The following PKHD1L1 variants were observed in gnomAD, a reference collection of about 807,000 sequenced individuals.
The protein encoded by PKHD1L1 is PKHD1 like 1.
Under a neutral mutation model 462.9 loss-of-function variants are expected in PKHD1L1, and 434 were observed. That is an observed-to-expected ratio of 0.94 (90% CI 0.87 to 1.02). The LOEUF (loss-of-function observed/expected upper bound fraction) is 1.02, where lower values mean the gene tolerates loss of function less well. Among genes scored for constraint, PKHD1L1 ranks in the 50% least tolerant of loss-of-function variants. The pLI is 0.00. For missense variants in PKHD1L1, 5,202 were observed against 5,096.1 expected, an observed-to-expected ratio of 1.02 and a Z score of -0.63; for synonymous variants, 1,781 against 1,750.0, an observed-to-expected ratio of 1.02 and a Z score of -0.44.
At chr8:109,432,859 T>A (rs1283970695) in intron 27 of PKHD1L1, among the ~76,000 whole-genome samples, 1 of 152,208 alleles carries the variant, frequency 6.6e-6, no homozygotes, top group African/African-American at 2.4e-5. Flanking sequence ...ATCAGATAGT[T>A]CTTTCCACTA....
chr8:109,415,907 A>G (rs112210180), intron 21 of PKHD1L1, among the ~76,000 whole-genome samples: 2,271 of 121,782 alleles, frequency 0.019, 31 homozygotes, highest in Middle Eastern at 0.048. Context: ...GTGTGTGTGT[A>G]GGAAATCATA....
intron 21 of PKHD1L1, 87 bp from the exon 22 acceptor site, chr8:109,419,010 A>G: frequency 2.5e-6 from 3 of 1,179,202 alleles, no homozygotes; most frequent in Middle Eastern, 2.2e-4. Context: ...AAAATATTTT[A>G]CTCTATAAAA....
chr8:109,482,787 G>A (rs1377435359), intron 56 of PKHD1L1, among the ~76,000 whole-genome samples, 200 bp from the exon 57 acceptor site: 1 of 151,550 alleles, frequency 6.6e-6, no homozygotes, highest in African/African-American at 2.4e-5. Context: ...TGGCTTTAAT[G>A]TCTATGAGCC....
intron 2 of PKHD1L1, among the ~76,000 whole-genome samples, chr8:109,379,134 G>C (rs1404090403): frequency 6.6e-6 from 1 of 152,142 alleles, no homozygotes; most frequent in Admixed American, 6.5e-5. Flanking sequence ...ACTGCCAAGA[G>C]CAGAGACCAA....
In PKHD1L1 at chr8:109,459,664, A is replaced by G. The variant is rs1303312176; in HGVS notation, c.7074A>G (p.Leu2358=). 11 of 1,608,316 alleles carry G rather than the reference A, an allele frequency of 6.8e-6. No homozygotes were observed. Among genetic ancestry groups the G allele is most frequent in the Non-Finnish European group, 9.3e-6 (11 of 1,176,920 alleles). Residue 2358 remains leucine, a synonymous_variant, in exon 47 of 78, where the codon CTA becomes CTG. Transcript: ENST00000378402. ...SVSADGINIT[L]SNPLNYTHLG... ...CTGCTGATGGCATAAACATAACACTAAGTAACCCACTAAATTACACACACT... is the reference window on the plus strand; with the variant it reads ...CTGCTGATGGCATAAACATAACACTGAGTAACCCACTAAATTACACACACT...
At chr8:109,493,245 T>C (rs573559810) in intron 62 of PKHD1L1, among the ~76,000 whole-genome samples, 1 of 148,716 alleles carries the variant, frequency 6.7e-6, no homozygotes, top group East Asian at 1.9e-4. Context: ...ATATTAAACA[T>C]ATATAAATAT....
At chr8:109,475,337 TACTC>T (rs1817925426) in intron 51 of PKHD1L1, 68 bp downstream of exon 51, 3 of 1,233,440 alleles carry the variant, frequency 2.4e-6, no homozygotes, top group East Asian at 5.6e-5. Context: ...TCCTCATACT[TACTC>T]ACAGACATTG....
chr8:109,442,122 TTC>T lies in PKHD1L1; in HGVS notation c.4322_4323del (p.Ser1441CysfsTer10). The T allele has an allele frequency of 6.2e-7, 1 of 1,613,496 alleles. No individual in the cohort carries two copies. Among genetic ancestry groups the T allele is most frequent in the Non-Finnish European group, 8.5e-7 (1 of 1,179,576 alleles). On this transcript the variant is annotated frameshift_variant, in exon 35 of 78. Coordinates refer to ENST00000378402, the MANE Select transcript of PKHD1L1 (RefSeq NM_177531.6). LOFTEE classifies it high-confidence loss of function. ...FLRGIGYRIF[S>X]VSSPGSVIYD... ...TTAGAGGGATAGGATATAGGATTTT[TTC>T]TGTCTCCAGTCCTGGAAGTGTAATT...
chr8:109,450,767 C>T (rs1816442137), intron 40 of PKHD1L1, among the ~76,000 whole-genome samples: 1 of 152,130 alleles, frequency 6.6e-6, no homozygotes, highest in African/African-American at 2.4e-5. Context: ...GGTCGAAGGG[C>T]TTTTTCTTCT....
rs1174174044 is a variant in PKHD1L1, at chr8:109,454,799, C to G, written c.6821C>G (p.Pro2274Arg). Residue 2274 changes from proline to arginine, a missense_variant, in exon 45 of 78, where the codon CCT (proline) becomes CGT (arginine). Transcript: ENST00000378402. ...GGTCACCTGCGATCTCCTGAGCTCC[C>G]TGTCTATGGTGCCAAAACACTGGCT... ...LHGHLRSPEL[P>R]VYGAKTLAVR... 1 of 1,613,712 alleles carries G rather than the reference C, an allele frequency of 6.2e-7. No individual in the cohort carries two copies. The highest frequency in any genetic ancestry group is 8.5e-7 in the Non-Finnish European group (1 of 1,179,808).
At position 109,536,373 on chromosome 8, in the gene PKHD1L1, A is replaced by AT. The variant is rs796455290; in HGVS notation, c.*6284dup. ...TGTCCATCATGCTGTAGCTCAATGA[A>AT]TGAGTCTCACATTGTTTCATGTTGT... On this transcript the variant is annotated 3_prime_UTR_variant, in exon 78 of 78. Coordinates refer to ENST00000378402, the MANE Select transcript of PKHD1L1 (RefSeq NM_177531.6). Among the ~76,000 whole-genome samples the AT allele has an allele frequency of 2.6e-5, 4 of 152,350 alleles. No homozygotes were observed. Among genetic ancestry groups the AT allele is most frequent in the African/African-American group, 9.6e-5 (4 of 41,576 alleles).
At chr8:109,510,753 C>A (rs368753619) in intron 70 of PKHD1L1, 24 bp from the exon 71 acceptor site, 2 of 1,604,054 alleles carry the variant, frequency 1.2e-6, no homozygotes, top group Non-Finnish European at 1.7e-6. Context: ...TAGGAGTATG[C>A]ACTTTCATTT....
At chr8:109,423,662 C>A (rs2130658241) in intron 23 of PKHD1L1, among the ~76,000 whole-genome samples, 1 of 152,272 alleles carries the variant, frequency 6.6e-6, no homozygotes, top group African/African-American at 2.4e-5. Flanking sequence ...TACAAAAAAA[C>A]CTTGCTGGTA....
intron 2 of PKHD1L1, among the ~76,000 whole-genome samples, chr8:109,369,591 C>T (rs1206660710): frequency 2.6e-5 from 4 of 151,628 alleles, no homozygotes; most frequent in Non-Finnish European, 4.4e-5. Context: ...ATCCATGTTA[C>T]GTATCATTGA....
intron 50 of PKHD1L1, among the ~76,000 whole-genome samples, chr8:109,473,908 T>C (rs1391060322): frequency 6.6e-6 from 1 of 152,136 alleles, no homozygotes; most frequent in East Asian, 1.9e-4. Context: ...AAGTCAAACC[T>C]CACTGAGCAA....
intron 77 of PKHD1L1, among the ~76,000 whole-genome samples, chr8:109,529,810 C>A (rs1754568551): frequency 6.6e-6 from 1 of 151,914 alleles, no homozygotes; most frequent in African/African-American, 2.4e-5. Context: ...TTAAGAGGAT[C>A]ATGAAGTTTC....
chr8:109,522,762 G>T lies in PKHD1L1; in HGVS notation c.12202G>T (p.Glu4068Ter), dbSNP rs1448146417. 3.1e-6 allele frequency: 5 copies of T among 1,610,580 alleles called. No homozygotes were observed. The South Asian group carries it at 5.5e-5, about 18-fold the overall frequency. The part of the protein sequence containing the change: ...GWIKVTAQPV[E>*]RSAFPVHHVA... ...TTCACAGGTGACTGCCCAGCCAGTT[G>T]AAAGGTCTGCATTTCCTGTTCATCA... Residue 4068 changes from glutamate (E) to a stop codon, truncating the protein, a stop_gained, in exon 75 of 78, where the codon GAA (glutamate) becomes TAA (stop). Coordinates refer to ENST00000378402, the MANE Select transcript of PKHD1L1 (RefSeq NM_177531.6). LOFTEE classifies it high-confidence loss of function.
rs147731862 is a variant in PKHD1L1, at chr8:109,454,231, T to G, written c.6729T>G (p.Asp2243Glu). 19 of 1,605,720 alleles carry G rather than the reference T, an allele frequency of 1.2e-5. No individual in the cohort carries two copies. The African/African-American group carries it at 2.3e-4, about 19-fold the overall frequency. Residue 2243 changes from aspartate to glutamate, a missense_variant, in exon 44 of 78, where the codon GAT (aspartate) becomes GAG (glutamate). Coordinates refer to ENST00000378402, the MANE Select transcript of PKHD1L1 (RefSeq NM_177531.6). ...ELQAENILIT[D>E]GGVLQIGTET... ...AGGCAGAAAATATTCTAATTACAGA[T>G]GGAGGTGTTCTTCAGGTATTCAAAA...
At position 109,526,807 on chromosome 8, in the gene PKHD1L1, A is replaced by G. The variant is rs765623674; in HGVS notation, c.12508A>G (p.Ile4170Val). The G allele has an allele frequency of 6.4e-7, 1 of 1,555,170 alleles. No homozygotes were observed. Among genetic ancestry groups the G allele is most frequent in the South Asian group, 1.2e-5 (1 of 84,434 alleles). Residue 4170 changes from isoleucine to valine, a missense_variant, in exon 77 of 78, where the codon ATA becomes GTA. By Grantham distance (29) the Ile-to-Val change is conservative. Coordinates refer to ENST00000378402, the MANE Select transcript of PKHD1L1 (RefSeq NM_177531.6). ...RTGKNYKIEF[I>V]LDNVVGVESR... ...AGGAAAAAATTATAAGATTGAATTTATACTGGATAATGTTGTTGGGGTAGA... is the reference window on the plus strand; with the variant it reads ...AGGAAAAAATTATAAGATTGAATTTGTACTGGATAATGTTGTTGGGGTAGA...
Sources: gnomAD v4.1 joint callset for allele counts (sites outside exome capture counted in the v4.1 genomes callset) on GRCh38, gnomAD v4.1.1 for gene constraint, MANE v1.5 for transcripts, NCBI Gene and HGNC (gene_info 2026-07-23, HGNC 2026-07-21) for gene names.